The following NRXN1 variants were observed in gnomAD, a reference collection of about 807,000 sequenced individuals.
The protein encoded by NRXN1 is neurexin 1.
A neutral mutation model predicts 150.9 loss-of-function variants in NRXN1; 39 were observed. The observed-to-expected ratio is 0.26, with a 90% CI of 0.20 to 0.34. The LOEUF (loss-of-function observed/expected upper bound fraction) is 0.34, where lower values mean the gene tolerates loss of function less well. Ranked by LOEUF, NRXN1 falls within the 10% of genes least tolerant of loss-of-function variation. NRXN1 has a pLI of 1.00. For synonymous variants in NRXN1, 924 were observed against 757.0 expected, an observed-to-expected ratio of 1.22 and a Z score of -3.62; for missense variants, 1,815 against 1,949.9, an observed-to-expected ratio of 0.93 and a Z score of 1.30.
chr2:50,028,246 GA>G lies in NRXN1; in HGVS notation c.4128+25024del, dbSNP rs1688670881. 2.0e-5 allele frequency among the ~76,000 whole-genome samples: 3 copies of G among 152,162 alleles called. No individual in the cohort carries two copies. In the South Asian group the frequency reaches 6.2e-4, roughly 32 times the overall value. ...AATTCTTTTTGTGGATATACTGAGG[GA>G]GCTTTTATAATCCTATAAATATAGA... On this transcript the variant is annotated intron_variant, in intron 21 of 22. Transcript: ENST00000401669.
intron 18 of NRXN1, among the ~76,000 whole-genome samples, chr2:50,150,334 C>T (rs1248633552): frequency 6.6e-6 from 1 of 151,784 alleles, no homozygotes; most frequent in Non-Finnish European, 1.5e-5. Flanking sequence ...AACACTAACA[C>T]TTATAAAGAC....
chr2:50,548,435 A>C (rs560833767), intron 9 of NRXN1, among the ~76,000 whole-genome samples: 1 of 151,938 alleles, frequency 6.6e-6, no homozygotes, highest in South Asian at 2.1e-4. Context: ...TCAGAAAGTA[A>C]TGTAATTTAA....
At chr2:50,178,693 T>C (rs1360101391) in intron 18 of NRXN1, among the ~76,000 whole-genome samples, 2 of 152,058 alleles carry the variant, frequency 1.3e-5, no homozygotes, top group Non-Finnish European at 2.9e-5. Context: ...TGAGTAGATT[T>C]CTATAGAGGT....
At chr2:50,047,093 G>C (rs1233909307) in intron 21 of NRXN1, among the ~76,000 whole-genome samples, 2 of 152,052 alleles carry the variant, frequency 1.3e-5, no homozygotes, top group Non-Finnish European at 1.5e-5. Context: ...CTGACAGTTG[G>C]GTGGAGATCA....
intron 22 of NRXN1, among the ~76,000 whole-genome samples, chr2:49,934,114 T>G (rs1425108163): frequency 6.6e-6 from 1 of 152,218 alleles, no homozygotes; most frequent in African/African-American, 2.4e-5. Context: ...TTTCAAAATT[T>G]TATTATGATA....
chr2:50,222,824 C>A (rs11898208), intron 18 of NRXN1, among the ~76,000 whole-genome samples: 23,670 of 151,686 alleles, frequency 0.16, 2,246 homozygotes, highest in African/African-American at 0.27. Flanking sequence ...ATATACAAAT[C>A]CTTGTACCTA....
intron 5 of NRXN1, among the ~76,000 whole-genome samples, chr2:50,689,483 A>G (rs967097888): frequency 6.6e-6 from 1 of 152,190 alleles, no homozygotes; most frequent in African/African-American, 2.4e-5. Flanking sequence ...CATCCTTTAA[A>G]TTCTCTGTAT....
intron 19 of NRXN1, among the ~76,000 whole-genome samples, chr2:50,078,254 A>T (rs938853269): frequency 7.9e-5 from 12 of 152,192 alleles, no homozygotes; most frequent in African/African-American, 2.9e-4. Flanking sequence ...TTTTTTAACA[A>T]CAAATGCATT....
chr2:50,132,816 A>G (rs1438461260), intron 18 of NRXN1, among the ~76,000 whole-genome samples: 2 of 151,580 alleles, frequency 1.3e-5, no homozygotes, highest in Non-Finnish European at 2.9e-5. Flanking sequence ...TCCAGTTAGG[A>G]AAGTACTCTA....
At chr2:50,184,412 G>T (rs988618542) in intron 18 of NRXN1, among the ~76,000 whole-genome samples, 19 of 151,944 alleles carry the variant, frequency 1.3e-4, no homozygotes, top group Admixed American at 3.9e-4. Flanking sequence ...CAATAAAAAT[G>T]TCACCTAACA....
intron 18 of NRXN1, among the ~76,000 whole-genome samples, chr2:50,111,773 A>G (rs1405643463): frequency 6.6e-6 from 1 of 152,208 alleles, no homozygotes; most frequent in Non-Finnish European, 1.5e-5. Context: ...CCCCACAGTC[A>G]GCCCAGGTTT....
At chr2:50,643,738 T>A (rs866264079) in intron 5 of NRXN1, among the ~76,000 whole-genome samples, 1 of 151,914 alleles carries the variant, frequency 6.6e-6, no homozygotes, top group Non-Finnish European at 1.5e-5. Flanking sequence ...GACTCCATTT[T>A]CTCTAAACAT....
chr2:50,562,841 C>A (rs1009676028), intron 8 of NRXN1, among the ~76,000 whole-genome samples: 15 of 151,900 alleles, frequency 9.9e-5, no homozygotes, highest in African/African-American at 2.7e-4. Flanking sequence ...TTTATTTTTT[C>A]TTGATCTAGT....
intron 2 of NRXN1, among the ~76,000 whole-genome samples, chr2:51,025,293 A>G (rs187398685): frequency 3.3e-4 from 50 of 152,298 alleles, no homozygotes; most frequent in African/African-American, 1.2e-3. Flanking sequence ...ACACTGTTCA[A>G]TTATGCATCT....
intron 17 of NRXN1, among the ~76,000 whole-genome samples, chr2:50,263,493 T>C (rs1166888277): frequency 6.6e-6 from 1 of 152,108 alleles, no homozygotes; most frequent in African/African-American, 2.4e-5. Flanking sequence ...ATATGAACAA[T>C]TCTGATTGGG....
intron 5 of NRXN1, among the ~76,000 whole-genome samples, chr2:50,899,616 C>G (rs1317908112): frequency 6.6e-6 from 1 of 151,958 alleles, no homozygotes; most frequent in Admixed American, 6.6e-5. Flanking sequence ...CAAAGCCTTC[C>G]TTGAAGAGAG....
intron 9 of NRXN1, among the ~76,000 whole-genome samples, chr2:50,545,974 A>T (rs952874695): frequency 2.0e-5 from 3 of 152,142 alleles, no homozygotes; most frequent in African/African-American, 7.2e-5. Context: ...ACAAGAAAAA[A>T]TGTCTGTATA....
At chr2:50,694,642 G>A (rs146640387) in intron 5 of NRXN1, among the ~76,000 whole-genome samples, 1 of 152,112 alleles carries the variant, frequency 6.6e-6, no homozygotes, top group East Asian at 1.9e-4. Flanking sequence ...TTCAAGGTAG[G>A]GAAAAGAAAA....
At chr2:50,112,984 C>T (rs1348492391) in intron 18 of NRXN1, among the ~76,000 whole-genome samples, 1 of 152,014 alleles carries the variant, frequency 6.6e-6, no homozygotes, top group Non-Finnish European at 1.5e-5. Flanking sequence ...TTGGAATGTG[C>T]CTCCCCTCTC....
Sources: allele counts gnomAD v4.1 joint callset (sites outside exome capture counted in the v4.1 genomes callset), GRCh38; gene constraint gnomAD v4.1.1; transcripts MANE v1.5; gene names NCBI Gene and HGNC (gene_info 2026-07-23, HGNC 2026-07-21).